Variants in LHX6 observed in about 807,000 individuals in gnomAD.
LHX6 encodes LIM/homeobox protein Lhx6.
LHX6 carries 15 observed loss-of-function variants against 47.1 expected under a neutral mutation model. The ratio of observed to expected loss-of-function variants is 0.32; its 90% CI spans 0.21 to 0.49. The LOEUF is 0.49. Among genes scored for constraint, LHX6 ranks in the 20% least tolerant of loss-of-function variants. The pLI, the probability that LHX6 is intolerant of heterozygous loss-of-function variation, is 0.99. For synonymous variants in LHX6, 242 were observed against 233.5 expected, an observed-to-expected ratio of 1.04 and a Z score of -0.33; for missense variants, 404 against 539.6, an observed-to-expected ratio of 0.75 and a Z score of 2.49.
At position 122,226,472 on chromosome 9, in the gene LHX6, C is replaced by T. The variant is rs1237674513; in HGVS notation, c.365G>A (p.Arg122Gln). The stretch of plus-strand genomic sequence containing the variant: ...GCGACACACGGAGCACTCGAGGCAC[C>T]GCACGTGCCAGATGAGGTTGTTGAC... Reference protein sequence around the residue: ...LKVNNLIWHVRCLECSVCRTS... With the variant: ...LKVNNLIWHVQCLECSVCRTS... The change falls in exon 4 of 10, where the codon CGG (arginine) becomes CAG (glutamine). Residue 122 changes from arginine to glutamine, a missense_variant. Physicochemically the swap from Arg to Gln is conservative, Grantham distance 43. Transcript: ENST00000394319. The surrounding 1 kb of genome is among the most constrained non-coding windows in gnomAD (Gnocchi z 6.5). 6 of 1,613,486 alleles carry T rather than the reference C, an allele frequency of 3.7e-6. No individual in the cohort carries two copies. The East Asian group carries it at 1.3e-4, about 36-fold the overall frequency.
intron 1 of LHX6, chr9:122,228,224 G>C (rs1182004123): frequency 6.6e-7 from 1 of 1,519,284 alleles, no homozygotes; most frequent in Non-Finnish European, 8.8e-7. Flanking sequence ...AGCGAGATCG[G>C]GGCGAAACGG....
Position 122,214,023 on chromosome 9 carries a change from G to T in LHX6, c.830C>A (p.Thr277Lys). The T allele has an allele frequency of 6.3e-7, 1 of 1,599,972 alleles. No homozygotes were observed. Among genetic ancestry groups the T allele is most frequent in the Non-Finnish European group, 8.5e-7 (1 of 1,178,678 alleles). ...CGTCATGTCCGCCAGCTTCTGCAGC[G>T]TCTGAGCGTCGGGGTTGTTGTCCTG... ...FAQDNNPDAQ[T>K]LQKLADMTGL... Residue 277 changes from threonine (T) to lysine (K), a missense_variant, in exon 7 of 10, where the codon ACG becomes AAG. Physicochemically the swap from Thr to Lys is moderately conservative, Grantham distance 78. Transcript: ENST00000394319. The surrounding 1 kb of genome is among the most constrained non-coding windows in gnomAD (Gnocchi z 4.6).
chr9:122,207,259 G>T (rs1260041656), intron 9 of LHX6, among the ~76,000 whole-genome samples: 1 of 152,332 alleles, frequency 6.6e-6, no homozygotes, highest in East Asian at 1.9e-4. Context: ...TGAAATGGAG[G>T]TCATCGCAAT....
rs936561050 is a variant in LHX6, at chr9:122,226,503, G to T, written c.340-6C>A. Reference sequence around the variant, plus strand: ...TGCCAGATGAGGTTGTTGACCTGGGGACGGGGCGGGGACGGAGGTCGGCTC... The same window carrying T: ...TGCCAGATGAGGTTGTTGACCTGGGTACGGGGCGGGGACGGAGGTCGGCTC... On this transcript the variant is annotated splice_polypyrimidine_tract_variant and splice_region_variant and intron_variant, in intron 3 of 9. Coordinates refer to ENST00000394319, the MANE Select transcript of LHX6 (RefSeq NM_014368.5). The surrounding 1 kb of genome is among the most constrained non-coding windows in gnomAD (Gnocchi z 6.5). The T allele has an allele frequency of 1.7e-5, 28 of 1,612,272 alleles. No individual in the cohort carries two copies. Among genetic ancestry groups the T allele is most frequent in the African/African-American group, 2.7e-5 (2 of 74,870 alleles).
chr9:122,214,455 G>A lies in LHX6; in HGVS notation c.683-72C>T, dbSNP rs1268442915. On this transcript the variant is annotated intron_variant, in intron 5 of 9. Transcript: ENST00000394319. The surrounding 1 kb of genome is among the most constrained non-coding windows in gnomAD (Gnocchi z 4.6). ...TGGCAGCCTGGAAAGGACGGGGGTGGGGGGAGCTTGTCCCTGGAAGGGTCA... is the reference window on the plus strand; with the variant it reads ...TGGCAGCCTGGAAAGGACGGGGGTGAGGGGAGCTTGTCCCTGGAAGGGTCA... 1.4e-6 allele frequency: 2 copies of A among 1,435,812 alleles called. No homozygotes were observed. The highest frequency in any genetic ancestry group is 2.7e-5 in the East Asian group (1 of 36,464). The allele number at this position is 1,435,812 out of a possible 1,614,324, so 88.9% of individuals were successfully genotyped here.
chr9:122,214,349 C>T lies in LHX6; in HGVS notation c.717G>A (p.Ser239=). 1.3e-6 allele frequency: 2 copies of T among 1,590,960 alleles called. No homozygotes were observed. The highest frequency in any genetic ancestry group is 1.7e-6 in the Non-Finnish European group (2 of 1,171,804). The change falls in exon 6 of 10, where the codon TCG becomes TCA. Residue 239 remains serine (S), a synonymous_variant. Transcript: ENST00000394319. This position sits in a 1 kb window ranked among gnomAD's most constrained non-coding sequence, Gnocchi z 4.6. ...NGLTLEGAVP[S]EQDSQPKPAK... ...CCGGCTTGGGTTGACTGTCCTGTTC[C>T]GAGGGCACTGCCCCCTCCAACGTGA...
Position 122,213,670 on chromosome 9 carries a change from G to T in LHX6, c.990C>A (p.Ile330=), listed in dbSNP as rs772460631. 2 of 1,612,416 alleles carry T rather than the reference G, an allele frequency of 1.2e-6. No homozygotes were observed. Among genetic ancestry groups the T allele is most frequent in the Admixed American group, 1.7e-5 (1 of 60,002 alleles). Residue 330 remains isoleucine (I), a synonymous_variant, in exon 8 of 10, where the codon ATC becomes ATA. Coordinates refer to ENST00000394319, the MANE Select transcript of LHX6 (RefSeq NM_014368.5). This position sits in a 1 kb window ranked among gnomAD's most constrained non-coding sequence, Gnocchi z 5.5. ...SRLPSALSDD[I]HYTPFSSPER... Reference sequence around the variant, plus strand: ...CGGGGCTGCTGAACGGGGTGTAGTGGATGTCGTCGGACAGGGCGGAGGGAA... The same window carrying T: ...CGGGGCTGCTGAACGGGGTGTAGTGTATGTCGTCGGACAGGGCGGAGGGAA...
intron 4 of LHX6, among the ~76,000 whole-genome samples, chr9:122,218,446 A>G (rs1020096585): frequency 2.0e-5 from 3 of 152,050 alleles, no homozygotes; most frequent in East Asian, 1.9e-4. Context: ...CTGTTTCCCA[A>G]GTATCTCTGG....
rs1422148444 is a variant in LHX6, at chr9:122,204,056, T to C, written c.*704A>G. On this transcript the variant is annotated 3_prime_UTR_variant, in exon 10 of 10. Coordinates refer to ENST00000394319, the MANE Select transcript of LHX6 (RefSeq NM_014368.5). ...GGCTAGTGCCTCTTCTGGTCCAATATGTCACCGCCCTCTCCTTGATTTCCA... is the reference window on the plus strand; with the variant it reads ...GGCTAGTGCCTCTTCTGGTCCAATACGTCACCGCCCTCTCCTTGATTTCCA... The C allele has an allele frequency of 6.6e-6, 1 of 152,304 alleles. No individual in the cohort carries two copies. The highest frequency in any genetic ancestry group is 1.5e-5 in the Non-Finnish European group (1 of 68,072). The allele number at this position is 152,304 out of a possible 1,614,324, so 9.4% of individuals were successfully genotyped here.
At chr9:122,206,907 T>C (rs1442156461) in intron 9 of LHX6, among the ~76,000 whole-genome samples, 1 of 152,190 alleles carries the variant, frequency 6.6e-6, no homozygotes, top group Non-Finnish European at 1.5e-5. Context: ...CATGCGGTTC[T>C]CTTGATGTGG....
chr9:122,211,614 A>G (rs1202645671), intron 8 of LHX6, among the ~76,000 whole-genome samples: 1 of 152,238 alleles, frequency 6.6e-6, no homozygotes, highest in African/African-American at 2.4e-5. Context: ...TCAGTCAGTC[A>G]TGCAGCAGGA....
rs896283493 is a variant in LHX6, at chr9:122,226,170, G to T, written c.461+206C>A. Among the ~76,000 whole-genome samples, 1 of 152,200 alleles carries T rather than the reference G, an allele frequency of 6.6e-6. No individual in the cohort carries two copies. ...CGCGAGGACCGAAGGCAGATCCGGG[G>T]CGCAAACCTGTGCAGGCACTGGCGC... On this transcript the variant is annotated intron_variant, in intron 4 of 9. Transcript: ENST00000394319. This position sits in a 1 kb window ranked among gnomAD's most constrained non-coding sequence, Gnocchi z 6.5.
rs1005906654 is a variant in LHX6, at chr9:122,228,883, GC to G, written c.-144del. 5.7e-6 allele frequency: 2 copies of G among 350,816 alleles called. No homozygotes were observed. Among genetic ancestry groups the G allele is most frequent in the Non-Finnish European group, 8.8e-6 (2 of 227,486 alleles). The allele number at this position is 350,816 out of a possible 1,614,324, so 21.7% of individuals were successfully genotyped here. On this transcript the variant is annotated 5_prime_UTR_variant, in exon 1 of 10. Coordinates refer to ENST00000394319, the MANE Select transcript of LHX6 (RefSeq NM_014368.5). ...CCCCGCCGCCCCGGGCCCGGCCTCA[GC>G]CCCCGCCCCCGGCCCGCGCGCAGCC... is the stretch of plus-strand genomic sequence containing the variant.
intron 4 of LHX6, among the ~76,000 whole-genome samples, chr9:122,219,829 G>A (rs1027366187): frequency 6.6e-6 from 1 of 152,222 alleles, no homozygotes; most frequent in Non-Finnish European, 1.5e-5. Context: ...GACTGGCGAC[G>A]AGGAAAGCTG....
intron 4 of LHX6, among the ~76,000 whole-genome samples, chr9:122,218,033 A>C (rs1830662170): frequency 6.6e-6 from 1 of 152,190 alleles, no homozygotes; most frequent in Admixed American, 6.5e-5. Context: ...TAAAAAGACA[A>C]AAATAAAAAT....
At position 122,217,361 on chromosome 9, in the gene LHX6, G is replaced by A. The variant is rs1830634456; in HGVS notation, c.462-73C>T. 6 of 1,269,696 alleles carry A rather than the reference G, an allele frequency of 4.7e-6. No homozygotes were observed. The South Asian group carries it at 6.9e-5, about 15-fold the overall frequency. The allele number at this position is 1,269,696 out of a possible 1,614,324, so 78.7% of individuals were successfully genotyped here. A position where few individuals can be genotyped will look rare whatever the true frequency, so the allele number is the denominator to read the frequency against. On this transcript the variant is annotated intron_variant, in intron 4 of 9. Transcript: ENST00000394319. This position sits in a 1 kb window ranked among gnomAD's most constrained non-coding sequence, Gnocchi z 4.9. ...AACCTTCCTCCTTCCACCACCCAAT[G>A]GCCCGCCAGCCCCCAGGCTCCTGGC...
At chr9:122,209,371 G>C (rs74983810) in intron 9 of LHX6, among the ~76,000 whole-genome samples, 1 of 152,368 alleles carries the variant, frequency 6.6e-6, no homozygotes, top group Non-Finnish European at 1.5e-5. Flanking sequence ...ATCTAAGACA[G>C]AGCAGGGCAA....
intron 9 of LHX6, among the ~76,000 whole-genome samples, chr9:122,208,728 G>A (rs1183723236): frequency 1.3e-5 from 2 of 151,544 alleles, no homozygotes; most frequent in Non-Finnish European, 2.9e-5. Flanking sequence ...CAGCTACTTC[G>A]GGAGGCTGAG....
Position 122,213,592 on chromosome 9 carries a change from C to G in LHX6, c.1054+14G>C. ...CCCGCAGGCCCAGCGGCTCCCGGCG[C>G]TGCGGTTACTTACTCTCAATGTAGC... is the stretch of plus-strand genomic sequence containing the variant. On this transcript the variant is annotated intron_variant, in intron 8 of 9. Transcript: ENST00000394319. This position sits in a 1 kb window ranked among gnomAD's most constrained non-coding sequence, Gnocchi z 5.5. 6.4e-7 allele frequency: 1 copy of G among 1,550,922 alleles called. No homozygotes were observed. The highest frequency in any genetic ancestry group is 1.8e-5 in the Admixed American group (1 of 54,734).
Sources: allele counts gnomAD v4.1 joint callset (sites outside exome capture counted in the v4.1 genomes callset), GRCh38; gene constraint gnomAD v4.1.1; non-coding constraint Gnocchi (gnomAD v3.1); transcripts MANE v1.5; gene names NCBI Gene and HGNC (gene_info 2026-07-23, HGNC 2026-07-21).